Variants in KIF4A observed in about 807,000 individuals in gnomAD.
KIF4A encodes the protein kinesin family member 4A.
A neutral mutation model predicts 105.9 loss-of-function variants in KIF4A; 7 were observed. The ratio of observed to expected loss-of-function variants is 0.07; its 90% confidence interval spans 0.04 to 0.12. KIF4A has a LOEUF of 0.12. KIF4A is among the 10% of genes least tolerant of loss of function. The pLI is 1.00. For synonymous variants in KIF4A, 281 were observed against 331.3 expected, an observed-to-expected ratio of 0.85 and a Z score of 1.65; for missense variants, 558 against 929.2, an observed-to-expected ratio of 0.60 and a Z score of 5.19.
intron 15 of KIF4A, among the ~76,000 whole-genome samples, chrX:70,370,130 A>G (rs2086124293): frequency 9.0e-6 from 1 of 111,576 alleles, no homozygotes; most frequent in Non-Finnish European, 1.9e-5. Context: ...GCTATACTAT[A>G]TAGATTTGTA....
intron 13 of KIF4A, among the ~76,000 whole-genome samples, chrX:70,345,477 AAAG>A (rs1213159489): frequency 7.3e-5 from 8 of 108,887 alleles, no homozygotes; most frequent in South Asian, 4.0e-4. Context: ...AAAAAAAAAA[AAAG>A]AAGAAGAAGA....
intron 7 of KIF4A, among the ~76,000 whole-genome samples, chrX:70,326,030 C>T (rs986080452): frequency 3.6e-5 from 4 of 111,517 alleles, no homozygotes; most frequent in African/African-American, 9.8e-5. Flanking sequence ...CTTTCCTACT[C>T]TATCCCCTAT....
intron 7 of KIF4A, among the ~76,000 whole-genome samples, chrX:70,304,927 G>A (rs1273379892): frequency 9.0e-6 from 1 of 111,380 alleles, no homozygotes; most frequent in Non-Finnish European, 1.9e-5. Flanking sequence ...CTCCCAAAGT[G>A]CTGGGATTAC....
At chrX:70,348,191 C>A in intron 13 of KIF4A, among the ~76,000 whole-genome samples, 1 of 109,423 alleles carries the variant, frequency 9.1e-6, no homozygotes, top group South Asian at 4.0e-4. Context: ...CGCCTGTAAT[C>A]CAAACTCTTT....
intron 7 of KIF4A, among the ~76,000 whole-genome samples, chrX:70,312,521 T>C (rs768535632): frequency 1.8e-5 from 2 of 112,055 alleles, no homozygotes; most frequent in Non-Finnish European, 3.8e-5. Context: ...ATTTGTTTAT[T>C]GAAGAAATCA....
rs774288872 is a variant in KIF4A, at chrX:70,381,465, AG to A, written c.2035-5151del. On this transcript the variant is annotated intron_variant, in intron 18 of 30. Coordinates refer to ENST00000374403, the MANE Select transcript of KIF4A (RefSeq NM_012310.5). ...GGCAGGAGAATCACTTGAACCCGGG[AG>A]GTGGAGGTTGCAGTGAGTCAAGATC... 3.6e-5 allele frequency among the ~76,000 whole-genome samples: 4 copies of A among 111,842 alleles called. No homozygotes were observed. In the South Asian group the frequency reaches 1.1e-3, roughly 32 times the overall value.
At position 70,353,661 on chromosome X, in the gene KIF4A, G is replaced by A. The variant is rs1229522307; in HGVS notation, c.1528G>A (p.Ala510Thr). 5.0e-6 allele frequency: 6 copies of A among 1,209,043 alleles called. No homozygotes were observed. The highest frequency in any genetic ancestry group is 3.5e-5 in the African/African-American group (2 of 57,053). The change falls in exon 15 of 31, where the codon GCT (alanine) becomes ACT (threonine). Residue 510 changes from alanine to threonine, a missense_variant. Ala to Thr is a moderately conservative substitution (Grantham distance 58). Around this residue, in one of 2 missense-constraint regions of KIF4A, gnomAD observed 469 missense variants for 680.4 expected, o/e 0.69. Transcript: ENST00000374403. ...TCCAGAGACGAGCAGGTCTTCTGAC[G>A]CTTTTACCACTCAGCATGCTCTCCG... ...TSPETSRSSD[A>T]FTTQHALRQA...
intron 22 of KIF4A, among the ~76,000 whole-genome samples, chrX:70,400,103 TGCTGGTGC>T (rs1275874300): frequency 3.9e-5 from 4 of 103,756 alleles, no homozygotes; most frequent in Non-Finnish European, 5.9e-5. Flanking sequence ...ACATGTGCCG[TGCTGGTGC>T]GCTGCACCCA....
rs955330226 is a variant in KIF4A, at chrX:70,420,381, G to A, written c.*116G>A. On this transcript the variant is annotated 3_prime_UTR_variant, in exon 31 of 31. Coordinates refer to ENST00000374403, the MANE Select transcript of KIF4A (RefSeq NM_012310.5). ...TTCAGGTTTCTTGCTGTTGAAAAAA[G>A]GAACAAAGCGTTACTGAAAAGAAGG... The A allele has an allele frequency of 2.0e-5, 20 of 985,035 alleles. No individual in the cohort carries two copies. In the African/African-American group the frequency reaches 3.5e-4, roughly 17 times the overall value. 81.2% of individuals were successfully genotyped at this position (985,035 alleles called of 1,213,427 possible). A position where few individuals can be genotyped will look rare whatever the true frequency, so the allele number is the denominator to read the frequency against.
At chrX:70,370,562 A>G (rs1167280245) in intron 15 of KIF4A, among the ~76,000 whole-genome samples, 1 of 109,532 alleles carries the variant, frequency 9.1e-6, no homozygotes, top group Admixed American at 9.9e-5. Context: ...AGAATATAGA[A>G]TAAATGTAGA....
At chrX:70,329,249 A>G (rs1240128110) in intron 7 of KIF4A, among the ~76,000 whole-genome samples, 156 bp from the exon 8 acceptor site, 1 of 112,126 alleles carries the variant, frequency 8.9e-6, no homozygotes. Context: ...TTACTTAAAG[A>G]GGCACTCCAA....
chrX:70,328,396 A>G (rs1206491105), intron 7 of KIF4A, among the ~76,000 whole-genome samples: 2 of 111,026 alleles, frequency 1.8e-5, no homozygotes, highest in East Asian at 5.7e-4. Flanking sequence ...CAGTCCTCTT[A>G]TCAGGCACCA....
At chrX:70,355,783 C>T (rs888546934) in intron 15 of KIF4A, among the ~76,000 whole-genome samples, 3 of 111,236 alleles carry the variant, frequency 2.7e-5, no homozygotes, top group African/African-American at 9.8e-5. Context: ...GATACCAGGG[C>T]CCAGTAGAGA....
chrX:70,304,649 C>CTTTTTTT (rs138222376), intron 7 of KIF4A, among the ~76,000 whole-genome samples: 7 of 51,538 alleles, frequency 1.4e-4, no homozygotes, highest in Admixed American at 3.0e-4. Flanking sequence ...TACTTCATTC[C>CTTTTTTT]TTTTTTTTTT....
rs1219143158 is a variant in KIF4A, at chrX:70,373,524, GTA to G, written c.1675-596_1675-595del. On this transcript the variant is annotated intron_variant, in intron 15 of 30. Coordinates refer to ENST00000374403, the MANE Select transcript of KIF4A (RefSeq NM_012310.5). The stretch of plus-strand genomic sequence containing the variant: ...CATATATATATACATGTGTGTGTAT[GTA>G]TATATATATATATATATATATATAT... 9.5e-3 allele frequency among the ~76,000 whole-genome samples: 56 copies of G among 5,891 alleles called. 9 individuals are homozygous for G. Among genetic ancestry groups the G allele is most frequent in the Admixed American group, 0.014 (4 of 293 alleles). The allele number at this position is 5,891 out of a possible 115,157, so 5.1% of individuals were successfully genotyped here.
intron 23 of KIF4A, among the ~76,000 whole-genome samples, chrX:70,402,938 C>T (rs1485293938): frequency 8.9e-6 from 1 of 112,004 alleles, no homozygotes; most frequent in Non-Finnish European, 1.9e-5. Context: ...GTGCTGAATG[C>T]GTGTTAGCTG....
At chrX:70,332,938 T>G (rs909386764) in intron 9 of KIF4A, among the ~76,000 whole-genome samples, 1 of 111,729 alleles carries the variant, frequency 9.0e-6, no homozygotes, top group African/African-American at 3.3e-5. Context: ...ATTTTAGACT[T>G]CAGGCTTATC....
Position 70,386,631 on chromosome X carries a change from A to G in KIF4A, c.2048A>G (p.Gln683Arg). ...IQLKERDRKR[Q>R]YELLKLERNF... is the part of the protein sequence containing the mutation. ...TTTTCTTGTCAGGACCGTAAGAGGC[A>G]ATATGAGCTGCTGAAACTTGAAAGA... Residue 683 changes from glutamine to arginine, a missense_variant, in exon 19 of 31, where the codon CAA (glutamine) becomes CGA (arginine). By Grantham distance (43) the Gln-to-Arg change is conservative (BLOSUM62 1). Transcript: ENST00000374403. The G allele has an allele frequency of 1.7e-6, 2 of 1,207,413 alleles. No homozygotes were observed. The highest frequency in any genetic ancestry group is 1.8e-5 in the South Asian group (1 of 56,902).
intron 7 of KIF4A, among the ~76,000 whole-genome samples, chrX:70,324,819 T>A (rs933016892): frequency 7.2e-5 from 8 of 111,795 alleles, no homozygotes; most frequent in Non-Finnish European, 1.5e-4. Flanking sequence ...TCTCACTCTG[T>A]CGCCTAGGCT....
Sources: allele counts gnomAD v4.1 joint callset (sites outside exome capture counted in the v4.1 genomes callset), GRCh38; gene constraint gnomAD v4.1.1; regional missense constraint gnomAD v4.1.1; transcripts MANE v1.5; gene names NCBI Gene and HGNC (gene_info 2026-07-23, HGNC 2026-07-21).